Variants in PRDM1 observed in about 807,000 individuals in gnomAD.
The protein encoded by PRDM1 is PR/SET domain 1.
In PRDM1, 13 loss-of-function variants were observed where a neutral mutation model predicts 62.8. That is an observed-to-expected ratio of 0.21 (90% CI 0.13 to 0.33). The LOEUF is 0.33. PRDM1 is among the 10% of genes least tolerant of loss of function. The probability of loss-of-function intolerance (pLI) is 1.00; values close to 1 mark genes in which losing one functional copy is unlikely to be tolerated. For missense variants in PRDM1, 895 were observed against 1,058.8 expected (o/e 0.85, Z 2.15); for synonymous variants, 396 against 417.6 (o/e 0.95, Z 0.63).
intron 1 of PRDM1, among the ~76,000 whole-genome samples, chr6:106,033,249 C>T (rs550201602): frequency 6.6e-6 from 1 of 151,906 alleles, no homozygotes; most frequent in African/African-American, 2.4e-5. Flanking sequence ...AAGTGATACC[C>T]CACCACCACC....
chr6:106,010,131 G>A (rs1156569340), intron 1 of PRDM1, among the ~76,000 whole-genome samples: 1 of 152,150 alleles, frequency 6.6e-6, no homozygotes, highest in East Asian at 1.9e-4. Context: ...TGCAGAGTAT[G>A]GTAAGCTTGG....
At chr6:106,098,612 A>C in intron 3 of PRDM1, 1 of 1,318,378 alleles carries the variant, frequency 7.6e-7, no homozygotes, top group Non-Finnish European at 1.0e-6. Flanking sequence ...TATCAAGAGG[A>C]AAAGTGACTT....
At chr6:106,086,664 T>C in intron 1 of PRDM1, 69 bp downstream of exon 1, 1 of 1,374,030 alleles carries the variant, frequency 7.3e-7, no homozygotes, top group Non-Finnish European at 9.9e-7. Flanking sequence ...TTTTCCTTTA[T>C]TGTTATTATT....
intron 1 of PRDM1, among the ~76,000 whole-genome samples, chr6:106,034,567 G>T: frequency 6.7e-6 from 1 of 149,596 alleles, no homozygotes; most frequent in South Asian, 2.1e-4. Flanking sequence ...TTCTGTTATT[G>T]ATGTCTAACT....
chr6:106,014,770 C>A (rs889904020), intron 1 of PRDM1, among the ~76,000 whole-genome samples: 1 of 151,492 alleles, frequency 6.6e-6, no homozygotes, highest in African/African-American at 2.4e-5. Flanking sequence ...TTTTATAGAA[C>A]CTTAAAAGGC....
upstream of PRDM1, among the ~76,000 whole-genome samples, chr6:106,048,216 CAAAA>C (rs71006668): frequency 3.6e-5 from 4 of 110,210 alleles, no homozygotes; most frequent in African/African-American, 7.0e-5. Context: ...CCATCTCTAC[CAAAA>C]AAAAAAAAAA....
At position 106,095,693 on chromosome 6, in the gene PRDM1, GAC is replaced by G; in HGVS notation, c.374_375del (p.Thr125SerfsTer3). 1.2e-6 allele frequency: 2 copies of G among 1,614,068 alleles called. No individual in the cohort carries two copies. Among genetic ancestry groups the G allele is most frequent in the South Asian group, 1.1e-5 (1 of 91,068 alleles). ...GPLIGEIYTNDTVPKNANRKY... is the reference protein window; with the variant it reads ...GPLIGEIYTNXTVPKNANRKY... ...CCTAATAGGTGAAATCTACACCAAT[GAC>G]ACAGTTCCTAAGAACGCCAACAGGA... On this transcript the variant is annotated frameshift_variant, in exon 3 of 7. Coordinates refer to ENST00000369096, the MANE Select transcript of PRDM1 (RefSeq NM_001198.4). LOFTEE classifies it high-confidence loss of function.
At chr6:106,007,813 C>T (rs1002335346) in intron 1 of PRDM1, among the ~76,000 whole-genome samples, 19 of 152,158 alleles carry the variant, frequency 1.2e-4, no homozygotes, top group African/African-American at 4.1e-4. Context: ...CATCTCCTAA[C>T]GACTTTCTCC....
At chr6:106,012,887 T>C (rs1409419143) in intron 1 of PRDM1, among the ~76,000 whole-genome samples, 2 of 152,256 alleles carry the variant, frequency 1.3e-5, no homozygotes, top group Non-Finnish European at 2.9e-5. Flanking sequence ...TGAACAGATA[T>C]GCCATTAGAT....
At chr6:106,088,169 T>A in intron 1 of PRDM1, 32 bp from the exon 2 acceptor site, 6 of 1,556,036 alleles carry the variant, frequency 3.9e-6, no homozygotes, top group Non-Finnish European at 4.3e-6. Flanking sequence ...GGCGGGACAA[T>A]GGGGATTAAA....
At chr6:106,098,825 A>G in intron 3 of PRDM1, 1 of 1,525,470 alleles carries the variant, frequency 6.6e-7, no homozygotes, top group Non-Finnish European at 8.8e-7. Flanking sequence ...GGTGTAGGAA[A>G]CGGCGAGTAC....
intron 3 of PRDM1, chr6:106,098,923 A>G (rs928562236): frequency 1.7e-5 from 25 of 1,515,102 alleles, no homozygotes; most frequent in Middle Eastern, 1.7e-4. Context: ...AAAAGTCAGC[A>G]TAATCGGAAC....
chr6:106,040,176 G>T (rs1036024669), intron 1 of PRDM1, among the ~76,000 whole-genome samples: 5 of 152,244 alleles, frequency 3.3e-5, no homozygotes, highest in African/African-American at 9.6e-5. Context: ...ATCTTGAACT[G>T]CGAGGAGCTT....
intron 1 of PRDM1, among the ~76,000 whole-genome samples, chr6:106,087,107 A>G (rs1317328164): frequency 1.3e-5 from 2 of 152,184 alleles, no homozygotes; most frequent in African/African-American, 4.8e-5. Flanking sequence ...TGGAAATGAT[A>G]CCCATATTCC....
chr6:106,098,651 G>A (rs1050456016), intron 3 of PRDM1: 16 of 1,340,458 alleles, frequency 1.2e-5, no homozygotes, highest in Non-Finnish European at 1.5e-5. Flanking sequence ...AATTCGGGCT[G>A]CTGCCCGAGT....
intron 1 of PRDM1, among the ~76,000 whole-genome samples, chr6:106,002,066 TA>T (rs879287284): frequency 2.7e-4 from 39 of 146,814 alleles, no homozygotes; most frequent in East Asian, 5.9e-4. Flanking sequence ...AAGTTTAGAT[TA>T]AAAAAAAAAA....
At chr6:106,091,187 G>A (rs765687234) in intron 2 of PRDM1, among the ~76,000 whole-genome samples, 5 of 150,032 alleles carry the variant, frequency 3.3e-5, no homozygotes, top group African/African-American at 4.8e-5. Context: ...AGTTTCTGCC[G>A]TCGGTTGAGA....
intron 1 of PRDM1, among the ~76,000 whole-genome samples, chr6:106,075,954 AAT>A (rs946773493): frequency 1.3e-4 from 19 of 147,698 alleles, no homozygotes; most frequent in East Asian, 1.9e-4. Flanking sequence ...TAAAAAAAAA[AAT>A]TTTTTTTTTT....
At chr6:106,102,591 A>C (rs1453857453) in intron 4 of PRDM1, among the ~76,000 whole-genome samples, 1 of 152,258 alleles carries the variant, frequency 6.6e-6, no homozygotes, top group Non-Finnish European at 1.5e-5. Flanking sequence ...GTTTCATATC[A>C]GTTCAACATT....
Sources: allele counts gnomAD v4.1 joint callset (sites outside exome capture counted in the v4.1 genomes callset), GRCh38; gene constraint gnomAD v4.1.1; transcripts MANE v1.5; gene names NCBI Gene and HGNC (gene_info 2026-07-23, HGNC 2026-07-21).